The following KPNA4 variants were observed in gnomAD, a reference collection of about 807,000 sequenced individuals.
KPNA4 encodes the protein importin subunit alpha-3.
A neutral mutation model predicts 71.3 loss-of-function variants in KPNA4; 13 were observed. That is an observed-to-expected ratio of 0.18 (90% confidence interval 0.12 to 0.29). The LOEUF is 0.29. KPNA4 is among the 10% of genes least tolerant of loss of function. KPNA4 has a pLI of 1.00. For missense variants in KPNA4, 334 were observed against 603.2 expected (o/e 0.55, Z 4.67); for synonymous variants, 189 against 195.2 (o/e 0.97, Z 0.26).
intron 1 of KPNA4, among the ~76,000 whole-genome samples, chr3:160,542,745 G>A (rs1220274477): frequency 6.6e-6 from 1 of 152,050 alleles, no homozygotes; most frequent in Non-Finnish European, 1.5e-5. Context: ...AAGATTAATG[G>A]ACACTGAGCA....
intron 12 of KPNA4, chr3:160,515,104 C>A (rs1015615649): frequency 3.8e-6 from 2 of 519,776 alleles, no homozygotes; most frequent in Non-Finnish European, 7.7e-6. Flanking sequence ...ACCACAAGCA[C>A]ACACACATGC....
rs1467106789 is a variant in KPNA4 at position 160,497,458 on chromosome 3, T to A, written c.*4646A>T. ...TGCACTAATGCCACCAACGTGCATA[T>A]TGATTTGAAGGCATCTTGCAGCAAC... On this transcript the variant is annotated 3_prime_UTR_variant, in exon 17 of 17. Transcript: ENST00000334256. The A allele has an allele frequency of 6.6e-6, 1 of 152,202 alleles. No individual in the cohort carries two copies. Among genetic ancestry groups the A allele is most frequent in the Non-Finnish European group, 1.5e-5 (1 of 68,038 alleles). The allele number at this position is 152,202 out of a possible 1,614,324, so 9.4% of individuals were successfully genotyped here.
chr3:160,526,632 C>A (rs539621204), intron 8 of KPNA4, among the ~76,000 whole-genome samples: 1 of 152,144 alleles, frequency 6.6e-6, no homozygotes, highest in African/African-American at 2.4e-5. Flanking sequence ...TTAACAAGCA[C>A]CCCATGTAGT....
chr3:160,531,708 C>A (rs915786523), intron 5 of KPNA4, 151 bp from the exon 6 acceptor site: 6 of 425,320 alleles, frequency 1.4e-5, no homozygotes, highest in Non-Finnish European at 1.3e-5. Context: ...GCAACCTTTT[C>A]TCTAAATTTA....
chr3:160,519,049 T>C (rs1721291316), intron 11 of KPNA4, among the ~76,000 whole-genome samples: 1 of 152,108 alleles, frequency 6.6e-6, no homozygotes, highest in Non-Finnish European at 1.5e-5. Context: ...ATTTGGCTAT[T>C]TCTAGGCCCC....
chr3:160,545,423 A>C (rs1202083905), intron 1 of KPNA4, among the ~76,000 whole-genome samples: 1 of 152,238 alleles, frequency 6.6e-6, no homozygotes, highest in Non-Finnish European at 1.5e-5. Context: ...TCTTCATGGC[A>C]TTTATTGCAT....
In KPNA4 at chr3:160,499,738, T is replaced by C. The variant is rs1001956706; in HGVS notation, c.*2366A>G. On this transcript the variant is annotated 3_prime_UTR_variant, in exon 17 of 17. Coordinates refer to ENST00000334256, the MANE Select transcript of KPNA4 (RefSeq NM_002268.5). ...TATATAAAATTTGTATACAAGCTCA[T>C]TGGCTTACTTTGAATCCAATATTTT... The C allele has an allele frequency of 6.6e-6, 1 of 152,196 alleles. No homozygotes were observed. Among genetic ancestry groups the C allele is most frequent in the African/African-American group, 2.4e-5 (1 of 41,456 alleles). The allele number at this position is 152,196 out of a possible 1,614,324, so 9.4% of individuals were successfully genotyped here.
At chr3:160,528,858 T>A (rs1721513229) in intron 7 of KPNA4, among the ~76,000 whole-genome samples, 1 of 152,254 alleles carries the variant, frequency 6.6e-6, no homozygotes. Context: ...TTCCTTCTGA[T>A]ATTACTTTAA....
intron 1 of KPNA4, among the ~76,000 whole-genome samples, chr3:160,550,694 G>A (rs1191871893): frequency 6.6e-6 from 1 of 152,316 alleles, no homozygotes; most frequent in East Asian, 1.9e-4. Context: ...CCTAGTTTGA[G>A]TGTTTTTATC....
chr3:160,530,008 G>A (rs1411522182), intron 7 of KPNA4, among the ~76,000 whole-genome samples: 5 of 151,748 alleles, frequency 3.3e-5, no homozygotes, highest in East Asian at 3.9e-4. Context: ...GGTGGTGGGC[G>A]CCTGTAGCCC....
intron 12 of KPNA4, chr3:160,515,230 A>G: frequency 3.3e-6 from 2 of 608,576 alleles, no homozygotes; most frequent in Non-Finnish European, 6.2e-6. Flanking sequence ...CTATTTCATC[A>G]TTTCCAAGAG....
chr3:160,551,941 G>GGT (rs1201032068), intron 1 of KPNA4, among the ~76,000 whole-genome samples: 1 of 89,552 alleles, frequency 1.1e-5, no homozygotes, highest in Non-Finnish European at 2.0e-5. Flanking sequence ...GTCACAACTG[G>GGT]GGGGGGGGGG....
rs10666878 is a variant in KPNA4, at chr3:160,511,714, T to TTATATATA, written c.1138-1851_1138-1844dup. ...CAGGGGCAATACGGCTTTGTTATTT[T>TTATATATA]TATATATATATATATAAATATATTT... On this transcript the variant is annotated intron_variant, in intron 13 of 16. Transcript: ENST00000334256. Among the ~76,000 whole-genome samples, 1,082 of 146,502 alleles carry TTATATATA rather than the reference T, an allele frequency of 7.4e-3. 13 individuals carry two copies. Among genetic ancestry groups the TTATATATA allele is most frequent in the African/African-American group, 0.015 (619 of 40,372 alleles).
chr3:160,544,384 A>G (rs1721865362), intron 1 of KPNA4, among the ~76,000 whole-genome samples: 1 of 152,232 alleles, frequency 6.6e-6, no homozygotes, highest in Non-Finnish European at 1.5e-5. Context: ...AGGACAACCT[A>G]TAAATAAATC....
Position 160,521,791 on chromosome 3 carries a change from T to C in KPNA4, c.891A>G (p.Glu297=). 1.2e-6 allele frequency: 2 copies of C among 1,611,366 alleles called. No homozygotes were observed. Among genetic ancestry groups the C allele is most frequent in the African/African-American group, 2.7e-5 (2 of 74,948 alleles). ...PHLVPLLSHQ[E]VKVQTAALRA... ...AGAACAAACTTACCTGAACTTTAACTTCCTGGTGGCTGAGCAGAGGAACCA... is the reference window on the plus strand; with the variant it reads ...AGAACAAACTTACCTGAACTTTAACCTCCTGGTGGCTGAGCAGAGGAACCA... The change falls in exon 11 of 17, where the codon GAA becomes GAG. Residue 297 remains glutamate (E), a synonymous_variant. Coordinates refer to ENST00000334256, the MANE Select transcript of KPNA4 (RefSeq NM_002268.5).
rs576290293 is a variant in KPNA4, at chr3:160,497,496, T to C, written c.*4608A>G. 4 of 152,318 alleles carry C rather than the reference T, an allele frequency of 2.6e-5. No homozygotes were observed. Among genetic ancestry groups the C allele is most frequent in the Admixed American group, 2.6e-4 (4 of 15,304 alleles). The allele number at this position is 152,318 out of a possible 1,614,324, so 9.4% of individuals were successfully genotyped here. A position where few individuals can be genotyped will look rare whatever the true frequency, so the allele number is the denominator to read the frequency against. ...ATCTTGCAGCAACTTTTAAAAATTA[T>C]TGTACATATATATTTAAAAGCATAC... On this transcript the variant is annotated 3_prime_UTR_variant, in exon 17 of 17. Coordinates refer to ENST00000334256, the MANE Select transcript of KPNA4 (RefSeq NM_002268.5).
intron 1 of KPNA4, among the ~76,000 whole-genome samples, chr3:160,543,617 G>GCCA (rs1721850081): frequency 6.6e-6 from 1 of 152,108 alleles, no homozygotes; most frequent in Non-Finnish European, 1.5e-5. Context: ...ACAAGTGTGA[G>GCCA]CCACCATACC....
At chr3:160,547,944 T>G (rs761475200) in intron 1 of KPNA4, among the ~76,000 whole-genome samples, 20 of 152,208 alleles carry the variant, frequency 1.3e-4, no homozygotes, top group African/African-American at 2.2e-4. Context: ...ATATCACAAT[T>G]TATCCATTTA....
At chr3:160,547,000 A>G (rs1379266219) in intron 1 of KPNA4, among the ~76,000 whole-genome samples, 2 of 152,182 alleles carry the variant, frequency 1.3e-5, no homozygotes, top group South Asian at 2.1e-4. Flanking sequence ...TTCCAGGGTG[A>G]GCTTTTGACT....
Sources: allele counts gnomAD v4.1 joint callset (sites outside exome capture counted in the v4.1 genomes callset), GRCh38; gene constraint gnomAD v4.1.1; transcripts MANE v1.5; gene names NCBI Gene and HGNC (gene_info 2026-07-23, HGNC 2026-07-21).